SAMMSON: variants seen among roughly 807,000 people sequenced by gnomAD.
The protein encoded by SAMMSON is long intergenic non-protein coding RNA 1212.
chr3:70,272,424 GTGT>G (rs1163674418), intron 6 of SAMMSON: 2 of 152,142 alleles, frequency 1.3e-5, no homozygotes, highest in Admixed American at 1.3e-4. Context: ...AGGTTCATCC[GTGT>G]TGTTGAGTTC....
intron 4 of SAMMSON, among the ~76,000 whole-genome samples, chr3:70,081,410 G>A (rs1159364330): frequency 2.0e-5 from 3 of 152,200 alleles, no homozygotes; most frequent in Non-Finnish European, 2.9e-5. Flanking sequence ...ACCGCGCCCG[G>A]CCTCTTCATA....
chr3:70,201,752 G>T (rs1559533770), intron 4 of SAMMSON, among the ~76,000 whole-genome samples: 3 of 152,140 alleles, frequency 2.0e-5, no homozygotes, highest in Non-Finnish European at 4.4e-5. Flanking sequence ...GCCACTACCA[G>T]CTTCTTGATG....
At chr3:70,427,663 G>A (rs569608535) in intron 2 of SAMMSON, among the ~76,000 whole-genome samples, 13 of 151,874 alleles carry the variant, frequency 8.6e-5, no homozygotes, top group East Asian at 5.8e-4. Context: ...GCATGAACCC[G>A]GGAGGCGGAG....
At chr3:70,306,262 CGTG>C (rs1702399232) in intron 7 of SAMMSON, among the ~76,000 whole-genome samples, 1 of 152,092 alleles carries the variant, frequency 6.6e-6, no homozygotes, top group African/African-American at 2.4e-5. Flanking sequence ...CGCCACCACA[CGTG>C]GCTAGCCCGG....
At chr3:70,129,541 C>T (rs34481349) in intron 4 of SAMMSON, among the ~76,000 whole-genome samples, 5,269 of 152,104 alleles carry the variant, frequency 0.035, 121 homozygotes, top group Middle Eastern at 0.065. Context: ...AGTAATGAGG[C>T]CTACAAAGGG....
chr3:70,038,861 G>T (rs1482121651), intron 3 of SAMMSON, among the ~76,000 whole-genome samples: 2 of 152,132 alleles, frequency 1.3e-5, no homozygotes, highest in South Asian at 2.1e-4. Context: ...CATCTTGGGT[G>T]AGGCAAACAC....
intron 4 of SAMMSON, among the ~76,000 whole-genome samples, chr3:70,152,899 C>T (rs893675185): frequency 2.0e-5 from 3 of 151,962 alleles, no homozygotes; most frequent in Non-Finnish European, 4.4e-5. Flanking sequence ...TTTGAAATAG[C>T]TATTTGGTCT....
At chr3:70,160,531 A>C (rs1189216530) in intron 4 of SAMMSON, among the ~76,000 whole-genome samples, 1 of 151,666 alleles carries the variant, frequency 6.6e-6, no homozygotes, top group African/African-American at 2.4e-5. Context: ...TTTGGACTCA[A>C]CTCTCTTCCT....
intron 4 of SAMMSON, among the ~76,000 whole-genome samples, chr3:70,203,818 T>C (rs1243765273): frequency 6.6e-6 from 1 of 152,096 alleles, no homozygotes; most frequent in Non-Finnish European, 1.5e-5. Flanking sequence ...AAGGGGACTG[T>C]TTTCTAATAT....
intron 4 of SAMMSON, among the ~76,000 whole-genome samples, chr3:70,245,035 G>A (rs1701693701): frequency 6.6e-6 from 1 of 152,068 alleles, no homozygotes; most frequent in South Asian, 2.1e-4. Context: ...GTCCTTAGGG[G>A]ATTTGGAATT....
At chr3:70,312,777 T>C (rs1046896627) in intron 7 of SAMMSON, 1 of 151,818 alleles carries the variant, frequency 6.6e-6, no homozygotes, top group African/African-American at 2.4e-5. Flanking sequence ...AAGCCTGTGG[T>C]TGAAAACAAT....
At chr3:70,083,511 C>T (rs1482059403) in intron 4 of SAMMSON, among the ~76,000 whole-genome samples, 2 of 152,152 alleles carry the variant, frequency 1.3e-5, no homozygotes, top group African/African-American at 4.8e-5. Flanking sequence ...TGGCCATGAC[C>T]TGTGTTCAAA....
intron 7 of SAMMSON, among the ~76,000 whole-genome samples, chr3:70,292,727 T>TCA (rs200769605): frequency 2.6e-4 from 40 of 151,398 alleles, no homozygotes; most frequent in East Asian, 3.9e-4. Context: ...AGATCTTTGA[T>TCA]CACACACACA....
chr3:70,035,901 T>C (rs1051784999), intron 3 of SAMMSON, among the ~76,000 whole-genome samples: 8 of 152,064 alleles, frequency 5.3e-5, no homozygotes, highest in African/African-American at 1.9e-4. Context: ...ACCAAATAAA[T>C]AAAGTATAAC....
intron 4 of SAMMSON, among the ~76,000 whole-genome samples, chr3:70,190,813 C>T (rs1268523975): frequency 6.6e-6 from 1 of 152,162 alleles, no homozygotes; most frequent in Non-Finnish European, 1.5e-5. Flanking sequence ...ATCTTCACCT[C>T]ACCTCCCAGG....
At chr3:70,300,106 T>G (rs1484989212) in intron 7 of SAMMSON, among the ~76,000 whole-genome samples, 5 of 152,144 alleles carry the variant, frequency 3.3e-5, no homozygotes, top group Non-Finnish European at 7.4e-5. Flanking sequence ...CTAGATGTGC[T>G]GCTTCCTACC....
In SAMMSON at chr3:70,228,886, T is replaced by C. The variant is rs138054918; in HGVS notation, n.508-20221T>C. ...AGTGTCTATTATGTGGCAGACTATG[T>C]AGTACGTGAGGAGAAACTCAGCTAA... On this transcript the variant is annotated intron_variant and non_coding_transcript_variant, in intron 4 of 9. Transcript: ENST00000642114. Among the ~76,000 whole-genome samples the C allele has an allele frequency of 1.3e-4, 20 of 152,244 alleles. No individual in the cohort carries two copies. In the East Asian group the frequency reaches 3.9e-3, roughly 29 times the overall value.
chr3:70,058,332 C>T (rs2067175301), intron 3 of SAMMSON, among the ~76,000 whole-genome samples: 1 of 151,900 alleles, frequency 6.6e-6, no homozygotes, highest in Non-Finnish European at 1.5e-5. Context: ...TTTGAACCTG[C>T]AGTTAAAAGT....
chr3:70,425,907 T>A (rs1011354434), intron 2 of SAMMSON, among the ~76,000 whole-genome samples: 7 of 152,212 alleles, frequency 4.6e-5, no homozygotes, highest in Non-Finnish European at 1.0e-4. Flanking sequence ...GATAAACATT[T>A]TTGAAGTTAT....
Sources: allele counts gnomAD v4.1 joint callset (sites outside exome capture counted in the v4.1 genomes callset), GRCh38; gene constraint gnomAD v4.1.1; transcripts MANE v1.5; gene names NCBI Gene and HGNC (gene_info 2026-07-23, HGNC 2026-07-21).